BMPR1B: variants seen among roughly 807,000 people sequenced by gnomAD.
BMPR1B encodes bone morphogenetic protein receptor type-1B.
In BMPR1B, 12 loss-of-function variants were observed where a neutral mutation model predicts 59.1. The ratio of observed to expected loss-of-function variants is 0.20; its 90% CI spans 0.13 to 0.33. The LOEUF (loss-of-function observed/expected upper bound fraction) is 0.33. Among genes scored for constraint, BMPR1B ranks in the 10% least tolerant of loss-of-function variants. BMPR1B has a pLI of 1.00. For missense variants in BMPR1B, 550 were observed against 610.9 expected (o/e 0.90, Z 1.05); for synonymous variants, 237 against 207.3 (o/e 1.14, Z -1.23).
At chr4:95,061,521 C>T (rs1271169833) in intron 3 of BMPR1B, among the ~76,000 whole-genome samples, 1 of 152,002 alleles carries the variant, frequency 6.6e-6, no homozygotes, top group African/African-American at 2.4e-5. Context: ...AACATGTGTA[C>T]AACCTAAAAC....
intron 3 of BMPR1B, among the ~76,000 whole-genome samples, chr4:95,033,378 G>T (rs1725019711): frequency 6.6e-6 from 1 of 151,680 alleles, no homozygotes; most frequent in South Asian, 2.1e-4. Flanking sequence ...GCAATGTCAT[G>T]AAGCTTTGCC....
At chr4:94,776,767 T>G (rs900775529) in intron 1 of BMPR1B, among the ~76,000 whole-genome samples, 2 of 152,194 alleles carry the variant, frequency 1.3e-5, no homozygotes, top group Admixed American at 1.3e-4. Context: ...CTGCAAGACT[T>G]GATTATTACA....
intron 2 of BMPR1B, among the ~76,000 whole-genome samples, chr4:94,899,705 G>A (rs1253303802): frequency 6.6e-6 from 1 of 151,866 alleles, no homozygotes; most frequent in Non-Finnish European, 1.5e-5. Context: ...CATTAGAAAC[G>A]TGAAATTTCC....
intron 2 of BMPR1B, among the ~76,000 whole-genome samples, chr4:94,950,698 G>A (rs1325331069): frequency 1.3e-5 from 2 of 152,184 alleles, no homozygotes; most frequent in African/African-American, 4.8e-5. Context: ...CTACAGCCCT[G>A]TAGTATAGTT....
At chr4:94,940,723 T>G (rs1363893624) in intron 2 of BMPR1B, among the ~76,000 whole-genome samples, 1 of 152,226 alleles carries the variant, frequency 6.6e-6, no homozygotes, top group East Asian at 1.9e-4. Flanking sequence ...TCCTTTGTAC[T>G]AAATTGAATG....
chr4:95,098,214 A>G (rs554818493), intron 3 of BMPR1B, among the ~76,000 whole-genome samples: 2 of 152,334 alleles, frequency 1.3e-5, no homozygotes, highest in East Asian at 3.9e-4. Flanking sequence ...TATTATGAAT[A>G]CATGTCATTT....
At chr4:94,833,406 G>A (rs1724679087) in intron 1 of BMPR1B, among the ~76,000 whole-genome samples, 1 of 152,086 alleles carries the variant, frequency 6.6e-6, no homozygotes. Context: ...GACCCATAAA[G>A]TAACCCCATT....
intron 2 of BMPR1B, among the ~76,000 whole-genome samples, chr4:94,951,967 C>T (rs1729956699): frequency 6.6e-6 from 1 of 152,118 alleles, no homozygotes; most frequent in Non-Finnish European, 1.5e-5. Context: ...GATTCGACTT[C>T]TTCCTGGTTT....
rs773000162 is a variant in BMPR1B, at chr4:95,125,065, A to G, written c.529A>G (p.Arg177Gly). Residue 177 changes from arginine (R) to glycine (G), a missense_variant, in exon 8 of 13, where the codon AGA (arginine) becomes GGA (glycine). Arg to Gly is a moderately radical substitution (Grantham distance 125, BLOSUM62 -2). Transcript: ENST00000515059. Reference protein sequence around the residue: ...ETYIPPGESLRDLIEQSQSSG... With the variant: ...ETYIPPGESLGDLIEQSQSSG... Reference sequence around the variant, plus strand: ...TTACATTCCTCCTGGAGAATCCCTGAGAGACTTAATTGAGCAGTCTCAGAG... The same window carrying G: ...TTACATTCCTCCTGGAGAATCCCTGGGAGACTTAATTGAGCAGTCTCAGAG... 1.2e-6 allele frequency: 2 copies of G among 1,613,836 alleles called. No homozygotes were observed. The highest frequency in any genetic ancestry group is 1.7e-6 in the Non-Finnish European group (2 of 1,179,808).
rs1056119500 is a variant in BMPR1B at position 94,841,028 on chromosome 4, G to A, written c.-182-34803G>A. 3.4e-5 allele frequency among the ~76,000 whole-genome samples: 5 copies of A among 147,510 alleles called. 1 individual carries two copies. Among genetic ancestry groups the A allele is most frequent in the Admixed American group, 6.7e-5 (1 of 14,858 alleles). On this transcript the variant is annotated intron_variant, in intron 1 of 12. Coordinates refer to ENST00000515059, the MANE Select transcript of BMPR1B (RefSeq NM_001203.3). ...TCTGTTGGAGTACCCTGCCGTGTGA[G>A]GTGTCAGTGTGCCCCTGCTAGGGGG...
At chr4:94,967,214 A>C (rs573269201) in intron 2 of BMPR1B, among the ~76,000 whole-genome samples, 32 of 152,206 alleles carry the variant, frequency 2.1e-4, no homozygotes, top group African/African-American at 7.5e-4. Context: ...CCTTTTGTGC[A>C]CTCTCCAACT....
chr4:94,783,621 C>G (rs1180833962), intron 1 of BMPR1B, among the ~76,000 whole-genome samples: 3 of 152,178 alleles, frequency 2.0e-5, no homozygotes, highest in Non-Finnish European at 4.4e-5. Context: ...CATGATTTTT[C>G]TAGCAGGATG....
chr4:95,100,888 A>C (rs540372712), intron 3 of BMPR1B, among the ~76,000 whole-genome samples: 26 of 151,096 alleles, frequency 1.7e-4, no homozygotes, highest in African/African-American at 6.4e-4. Flanking sequence ...TGAGAGTATT[A>C]ATAATAATTT....
intron 3 of BMPR1B, among the ~76,000 whole-genome samples, chr4:95,026,646 T>C (rs2149146282): frequency 6.6e-6 from 1 of 152,132 alleles, no homozygotes; most frequent in East Asian, 1.9e-4. Context: ...TGTTTGTTTT[T>C]AAGTCTGTAC....
At chr4:94,909,095 T>C (rs770847697) in intron 2 of BMPR1B, among the ~76,000 whole-genome samples, 5 of 152,176 alleles carry the variant, frequency 3.3e-5, no homozygotes, top group Admixed American at 6.6e-5. Flanking sequence ...CTCCAGTCTC[T>C]GCTTTCACAT....
chr4:95,142,266 G>C (rs988642056), intron 10 of BMPR1B, among the ~76,000 whole-genome samples: 2 of 152,132 alleles, frequency 1.3e-5, no homozygotes, highest in African/African-American at 4.8e-5. Flanking sequence ...AACCCACAGG[G>C]ATGTGCACAG....
intron 2 of BMPR1B, among the ~76,000 whole-genome samples, chr4:94,957,456 A>T (rs1176896756): frequency 6.7e-6 from 1 of 149,500 alleles, no homozygotes; most frequent in African/African-American, 2.5e-5. Flanking sequence ...TAGGATGTTT[A>T]AAATGAGCTC....
At chr4:94,890,974 T>G (rs144834994) in intron 2 of BMPR1B, among the ~76,000 whole-genome samples, 107 of 152,238 alleles carry the variant, frequency 7.0e-4, no homozygotes, top group African/African-American at 2.4e-3. Context: ...GTTCAGCATG[T>G]GCCCCTAAAA....
chr4:95,063,603 A>G (rs1290019051), intron 3 of BMPR1B, among the ~76,000 whole-genome samples: 1 of 152,192 alleles, frequency 6.6e-6, no homozygotes, highest in Non-Finnish European at 1.5e-5. Context: ...TTCTTAGAGG[A>G]GAATATTTAT....
Sources: allele counts gnomAD v4.1 joint callset (sites outside exome capture counted in the v4.1 genomes callset), GRCh38; gene constraint gnomAD v4.1.1; transcripts MANE v1.5; gene names NCBI Gene and HGNC (gene_info 2026-07-23, HGNC 2026-07-21).